SOX5: variants seen among roughly 807,000 people sequenced by gnomAD.
SOX5 encodes SRY-box transcription factor 5.
In SOX5, 9 loss-of-function variants were observed where a neutral mutation model predicts 92.0. That is an observed-to-expected ratio of 0.10 (90% confidence interval 0.06 to 0.17). SOX5 has a LOEUF of 0.17. Ranked by LOEUF, SOX5 falls within the 10% of genes least tolerant of loss-of-function variation. SOX5 has a pLI of 1.00. For synonymous variants in SOX5, 344 were observed against 336.3 expected (o/e 1.02, Z -0.25); for missense variants, 642 against 944.5 (o/e 0.68, Z 4.20).
At chr12:23,824,712 G>A (rs923447062) in intron 3 of SOX5, among the ~76,000 whole-genome samples, 2 of 152,180 alleles carry the variant, frequency 1.3e-5, no homozygotes, top group Non-Finnish European at 2.9e-5. Flanking sequence ...CAGGAGCTCA[G>A]TCCCAGGGAG....
chr12:24,049,961 T>C (rs1320568667), intron 4 of SOX5, among the ~76,000 whole-genome samples: 1 of 151,978 alleles, frequency 6.6e-6, no homozygotes, highest in South Asian at 2.1e-4. Flanking sequence ...TTTTCTACTA[T>C]CTGCTGGATA....
Position 23,533,013 on chromosome 12 carries a change from T to C in SOX5, c.*1206A>G. ...AGCAGTTTGCTAGTAGCTTCCATGT[T>C]ATACATGCACACCTCTATTACACAG... On this transcript the variant is annotated 3_prime_UTR_variant, in exon 15 of 15. Transcript: ENST00000451604. The C allele has an allele frequency of 4.8e-6, 1 of 208,304 alleles. No homozygotes were observed. The highest frequency in any genetic ancestry group is 1.0e-5 in the Non-Finnish European group (1 of 95,754). The allele number at this position is 208,304 out of a possible 1,614,324, so 12.9% of individuals were successfully genotyped here.
At chr12:23,922,209 T>C (rs1253412430) in intron 1 of SOX5, among the ~76,000 whole-genome samples, 1 of 152,046 alleles carries the variant, frequency 6.6e-6, no homozygotes, top group Non-Finnish European at 1.5e-5. Flanking sequence ...AATGTGGTGG[T>C]TGCCAATACA....
rs528478194 is a variant in SOX5, at chr12:23,932,754, C to T, written c.38+16810G>A. Among the ~76,000 whole-genome samples, 245 of 151,464 alleles carry T rather than the reference C, an allele frequency of 1.6e-3. 2 individuals are homozygous for T. Among genetic ancestry groups the T allele is most frequent in the African/African-American group, 5.4e-3 (225 of 41,410 alleles). On this transcript the variant is annotated intron_variant, in intron 1 of 14. Transcript: ENST00000451604. ...ATTTTTTAGGTGACCACAATGTTTT[C>T]GGTTACAGCAAATGTAAAATCAAAA...
chr12:24,043,967 G>A (rs987166275), intron 4 of SOX5, among the ~76,000 whole-genome samples: 4 of 152,196 alleles, frequency 2.6e-5, no homozygotes, highest in Admixed American at 6.5e-5. Context: ...TTTGGGGTAA[G>A]GATTATATTG....
At position 23,720,180 on chromosome 12, in the gene SOX5, AT is replaced by A. The variant is rs146184017; in HGVS notation, c.810+14503del. 4.1e-4 allele frequency among the ~76,000 whole-genome samples: 63 copies of A among 152,320 alleles called. No individual in the cohort carries two copies. In the East Asian group the frequency reaches 0.011, roughly 26 times the overall value. On this transcript the variant is annotated intron_variant, in intron 6 of 14. Transcript: ENST00000451604. ...CCTGTTACAGCACAAAACAGAAAGA[AT>A]TTTTTAAAACAATAGGAAACTAAGA...
intron 4 of SOX5, among the ~76,000 whole-genome samples, chr12:24,163,147 C>A (rs1473841057): frequency 1.3e-5 from 2 of 152,064 alleles, no homozygotes; most frequent in African/African-American, 4.8e-5. Context: ...TCCTGGAAGG[C>A]TTTTTAAATA....
chr12:24,282,088 A>C (rs906813115), intron 2 of SOX5, among the ~76,000 whole-genome samples: 1 of 152,228 alleles, frequency 6.6e-6, no homozygotes, highest in African/African-American at 2.4e-5. Flanking sequence ...CCAAATCTCA[A>C]TTCCGTAGTA....
At chr12:24,377,318 A>C (rs188139509) in intron 1 of SOX5, among the ~76,000 whole-genome samples, 1 of 152,362 alleles carries the variant, frequency 6.6e-6, no homozygotes, top group African/African-American at 2.4e-5. Flanking sequence ...ACACAGCTAG[A>C]AAGTCTTCAG....
intron 2 of SOX5, among the ~76,000 whole-genome samples, chr12:23,859,133 A>G (rs976302599): frequency 1.3e-5 from 2 of 152,188 alleles, no homozygotes; most frequent in Non-Finnish European, 2.9e-5. Flanking sequence ...ACAGAATAAC[A>G]GCGATTTTCA....
At position 23,734,693 on chromosome 12, in the gene SOX5, T is replaced by C. The variant is rs758066381; in HGVS notation, c.801A>G (p.Gln267=). 3 of 1,611,810 alleles carry C rather than the reference T, an allele frequency of 1.9e-6. No individual in the cohort carries two copies. In the South Asian group the frequency reaches 3.3e-5, roughly 18 times the overall value. Reference sequence around the variant, plus strand: ...AATTATGATTTCTGACCTGGATCTGTTGCTGGAGCAAATTGATTTTGTGTT... The same window carrying C: ...AATTATGATTTCTGACCTGGATCTGCTGCTGGAGCAAATTGATTTTGTGTT... ...QQQHKINLLQ[Q]QIQVQGQLPP... The change falls in exon 6 of 15, where the codon CAA becomes CAG. Residue 267 remains glutamine (Q), a synonymous_variant. Transcript: ENST00000451604.
At chr12:23,877,002 G>C (rs559993409) in intron 2 of SOX5, among the ~76,000 whole-genome samples, 1 of 152,194 alleles carries the variant, frequency 6.6e-6, no homozygotes, top group Admixed American at 6.5e-5. Context: ...TGGGGGTCAG[G>C]GGCAAGGGGA....
chr12:24,307,078 C>T (rs1212869592), intron 2 of SOX5, among the ~76,000 whole-genome samples: 1 of 151,772 alleles, frequency 6.6e-6, no homozygotes, highest in Non-Finnish European at 1.5e-5. Context: ...ACAAAAATTA[C>T]CAAAAAAAAA....
At chr12:24,558,305 G>C (rs1431944811) in intron 1 of SOX5, among the ~76,000 whole-genome samples, 1 of 152,166 alleles carries the variant, frequency 6.6e-6, no homozygotes, top group African/African-American at 2.4e-5. Context: ...GTCCTCGCTG[G>C]TAAAGCCTTC....
At chr12:24,137,899 T>A (rs1268073857) in intron 4 of SOX5, among the ~76,000 whole-genome samples, 1 of 152,208 alleles carries the variant, frequency 6.6e-6, no homozygotes, top group Non-Finnish European at 1.5e-5. Flanking sequence ...ATGATCAAAC[T>A]CACCCCCAAT....
intron 2 of SOX5, among the ~76,000 whole-genome samples, chr12:23,850,851 A>G (rs866341093): frequency 3.2e-4 from 49 of 152,314 alleles, no homozygotes; most frequent in African/African-American, 9.9e-4. Flanking sequence ...ACACACAGAC[A>G]CACACTCATA....
intron 11 of SOX5, among the ~76,000 whole-genome samples, chr12:23,555,069 A>C (rs1445341234): frequency 6.6e-6 from 1 of 152,164 alleles, no homozygotes; most frequent in Non-Finnish European, 1.5e-5. Context: ...AAAATTAGAA[A>C]ATTCAGAAAT....
chr12:23,906,710 T>G (rs1438410712), intron 1 of SOX5, among the ~76,000 whole-genome samples: 1 of 152,210 alleles, frequency 6.6e-6, no homozygotes, highest in Non-Finnish European at 1.5e-5. Flanking sequence ...GTAAAAATCT[T>G]TTATTAATAA....
intron 2 of SOX5, among the ~76,000 whole-genome samples, chr12:23,864,241 C>G (rs1055768952): frequency 1.3e-5 from 2 of 152,070 alleles, no homozygotes; most frequent in African/African-American, 4.8e-5. Context: ...TCTGACTACA[C>G]CATTGACTGC....
Sources: allele counts gnomAD v4.1 joint callset (sites outside exome capture counted in the v4.1 genomes callset), GRCh38; gene constraint gnomAD v4.1.1; transcripts MANE v1.5; gene names NCBI Gene and HGNC (gene_info 2026-07-23, HGNC 2026-07-21).